The following ACAN variants were observed in gnomAD, a reference collection of about 807,000 sequenced individuals.
ACAN encodes the protein aggrecan.
In ACAN, 47 loss-of-function variants were observed where a neutral mutation model predicts 169.1. The observed-to-expected ratio is 0.28, with a 90% CI of 0.22 to 0.35. ACAN has a LOEUF of 0.35. ACAN is among the 10% of genes least tolerant of loss of function. ACAN has a pLI of 1.00. For synonymous variants in ACAN, 1,115 were observed against 1,112.2 expected (o/e 1.00, Z -0.05); for missense variants, 2,716 against 2,759.9 (o/e 0.98, Z 0.36).
intron 4 of ACAN, among the ~76,000 whole-genome samples, chr15:88,840,958 C>T (rs1026233625): frequency 6.6e-6 from 1 of 152,112 alleles, no homozygotes; most frequent in Non-Finnish European, 1.5e-5. Context: ...TCCTAGCTAA[C>T]ATGGTGAAAC....
Position 88,874,444 on chromosome 15 carries a change from G to GCTGA in ACAN, c.7670_7671insCTGA (p.His2558Ter). 1 of 1,607,068 alleles carries GCTGA rather than the reference G, an allele frequency of 6.2e-7. No homozygotes were observed. ...CGCAGACTACAGAAGCGGAGCTCAC[G>GCTGA]GCACCCTCGGAGGAGCCGCCCCAGC... On this transcript the variant is annotated stop_gained and frameshift_variant, in exon 19 of 19. Transcript: ENST00000560601. LOFTEE classifies it high-confidence loss of function. The surrounding 1 kb of genome is among the most constrained non-coding windows in gnomAD (Gnocchi z 7.3).
chr15:88,838,538 G>C lies in ACAN; in HGVS notation c.71-125G>C. 1 of 1,198,518 alleles carries C rather than the reference G, an allele frequency of 8.3e-7. No homozygotes were observed. The highest frequency in any genetic ancestry group is 1.2e-6 in the Non-Finnish European group (1 of 852,768). The allele number at this position is 1,198,518 out of a possible 1,614,324, so 74.2% of individuals were successfully genotyped here. A position where few individuals can be genotyped will look rare whatever the true frequency, so the allele number is the denominator to read the frequency against. On this transcript the variant is annotated intron_variant, in intron 2 of 18. Coordinates refer to ENST00000560601, the MANE Select transcript of ACAN (RefSeq NM_001369268.1). The surrounding 1 kb of genome is among the most constrained non-coding windows in gnomAD (Gnocchi z 5.1). ...GACACGGGAGCATCCCCATCATAGA[G>C]ACAGACACACTCATCGGATTTCGCT...
At position 88,871,527 on chromosome 15, in the gene ACAN, G is replaced by A. The variant is rs1399179832; in HGVS notation, c.7206G>A (p.Gln2402=). Residue 2402 remains glutamine (Q), a synonymous_variant, in exon 15 of 19, where the codon CAG becomes CAA. Transcript: ENST00000560601. This position sits in a 1 kb window ranked among gnomAD's most constrained non-coding sequence, Gnocchi z 7.8. ...GCAGCATCGTCACCCCCGAGGAGCA[G>A]GAGTTTGTCAACAGTGAGTGCGGCG... ...HLSSIVTPEE[Q]EFVNNNAQDY... The A allele has an allele frequency of 6.2e-7, 1 of 1,613,060 alleles. No individual in the cohort carries two copies. Among genetic ancestry groups the A allele is most frequent in the Non-Finnish European group, 8.5e-7 (1 of 1,179,570 alleles).
At chr15:88,864,752 G>C (rs1260489104) in intron 13 of ACAN, among the ~76,000 whole-genome samples, 8 of 152,232 alleles carry the variant, frequency 5.3e-5, no homozygotes, top group Admixed American at 4.6e-4. Context: ...AATTTTATCT[G>C]TATTTCTTAA....
At chr15:88,837,336 A>G (rs1440557351) in intron 2 of ACAN, among the ~76,000 whole-genome samples, 1 of 152,218 alleles carries the variant, frequency 6.6e-6, no homozygotes, top group Non-Finnish European at 1.5e-5. Flanking sequence ...AAGTAATCCA[A>G]GAATTCTGAA....
chr15:88,862,380 G>A (rs770086663), intron 13 of ACAN, among the ~76,000 whole-genome samples: 1 of 152,242 alleles, frequency 6.6e-6, no homozygotes, highest in East Asian at 1.9e-4. Flanking sequence ...AGCCAGGACT[G>A]AGAACCGCTG....
chr15:88,874,146 C>CA lies in ACAN; in HGVS notation c.7630+122_7630+123insA. The CA allele has an allele frequency of 7.4e-7, 1 of 1,358,610 alleles. No homozygotes were observed. The highest frequency in any genetic ancestry group is 1.0e-6 in the Non-Finnish European group (1 of 986,382). 84.2% of individuals were successfully genotyped at this position (1,358,610 alleles called of 1,614,324 possible). The stretch of plus-strand genomic sequence containing the variant: ...CAGGGTTGAGCAAGGGAAGGGAGGT[C>CA]GGGGGGCTGCTCAGTCACAAATAGC... On this transcript the variant is annotated intron_variant, in intron 18 of 18. Coordinates refer to ENST00000560601, the MANE Select transcript of ACAN (RefSeq NM_001369268.1). The surrounding 1 kb of genome is among the most constrained non-coding windows in gnomAD (Gnocchi z 7.3).
chr15:88,842,871 A>G (rs1165600130), intron 5 of ACAN, among the ~76,000 whole-genome samples: 2 of 152,164 alleles, frequency 1.3e-5, no homozygotes, highest in Non-Finnish European at 2.9e-5. Context: ...TGGTCCTCGA[A>G]TGATGCTCTT....
chr15:88,815,361 C>T (rs545078891), intron 1 of ACAN, among the ~76,000 whole-genome samples: 5 of 151,924 alleles, frequency 3.3e-5, no homozygotes, highest in Non-Finnish European at 7.4e-5. Context: ...GAGTTTGAGA[C>T]CAGCTTGGGC....
At chr15:88,818,254 A>G (rs2141509088) in intron 1 of ACAN, among the ~76,000 whole-genome samples, 1 of 152,238 alleles carries the variant, frequency 6.6e-6, no homozygotes, top group East Asian at 1.9e-4. Context: ...AAAGAGCCCT[A>G]GTTCTTTGCC....
At chr15:88,828,192 A>C (rs12905452) in intron 1 of ACAN, among the ~76,000 whole-genome samples, 114,871 of 151,898 alleles carry the variant, frequency 0.76, 44,274 homozygotes, top group African/African-American at 0.9. Context: ...GGTCAGACAT[A>C]GAGCTAAAGA....
rs572438161 is a variant in ACAN at position 88,845,641 on chromosome 15, C to T, written c.1188C>T (p.Ser396=). The change falls in exon 7 of 19, where the codon AGC becomes AGT. Residue 396 remains serine, a synonymous_variant. Transcript: ENST00000560601. The part of the protein sequence containing the change: ...RNITEGEARG[S]VILTVKPIFE... ...TCACTGAGGGTGAAGCCCGAGGCAG[C>T]GTGATCCTTACCGTAAAGCCCATCT... The T allele has an allele frequency of 3.4e-4, 556 of 1,614,062 alleles. 1 individual carries two copies. Among genetic ancestry groups the T allele is most frequent in the Non-Finnish European group, 9.6e-5 (113 of 1,179,910 alleles).
At chr15:88,826,756 TC>T (rs971606984) in intron 1 of ACAN, among the ~76,000 whole-genome samples, 1 of 152,206 alleles carries the variant, frequency 6.6e-6, no homozygotes, top group African/African-American at 2.4e-5. Flanking sequence ...GATCTGAAAT[TC>T]CATGAGAACA....
intron 1 of ACAN, among the ~76,000 whole-genome samples, chr15:88,832,159 C>T (rs1424319021): frequency 6.6e-6 from 1 of 151,888 alleles, no homozygotes; most frequent in African/African-American, 2.4e-5. Flanking sequence ...GGATTCATGC[C>T]AGGGAGGTCA....
At chr15:88,820,357 C>T (rs77891713) in intron 1 of ACAN, among the ~76,000 whole-genome samples, 3,873 of 152,188 alleles carry the variant, frequency 0.025, 79 homozygotes, top group Non-Finnish European at 0.041. Flanking sequence ...GAAGGGCCCA[C>T]CACCAAAGAT....
intron 13 of ACAN, among the ~76,000 whole-genome samples, chr15:88,865,164 C>A (rs903763589): frequency 6.6e-6 from 1 of 152,150 alleles, no homozygotes; most frequent in Non-Finnish European, 1.5e-5. Context: ...AACAAACCAG[C>A]CCTTTTGGTT....
rs1038689998 is a variant in ACAN, at chr15:88,849,568, G to C, written c.1863G>C (p.Lys621Asn). ...LYAAWSRGLD[K>N]CYAGWLADGS... ...CCGCCTGGAGCCGCGGCCTGGACAAGTGCTATGCCGGCTGGCTGGCCGACG... is the reference window on the plus strand; with the variant it reads ...CCGCCTGGAGCCGCGGCCTGGACAACTGCTATGCCGGCTGGCTGGCCGACG... The change falls in exon 10 of 19, where the codon AAG becomes AAC. Residue 621 changes from lysine to asparagine, a missense_variant. Around this residue, in one of 3 missense-constraint regions of ACAN, gnomAD observed 1,283 missense variants for 1,281.5 expected, o/e 1.00. Transcript: ENST00000560601. The surrounding 1 kb of genome is among the most constrained non-coding windows in gnomAD (Gnocchi z 5.1). 1.9e-6 allele frequency: 3 copies of C among 1,607,796 alleles called. No homozygotes were observed. Among genetic ancestry groups the C allele is most frequent in the East Asian group, 2.2e-5 (1 of 44,556 alleles).
rs780709119 is a variant in ACAN at position 88,840,056 on chromosome 15, G to A, written c.499G>A (p.Asp167Asn). 8.4e-5 allele frequency: 135 copies of A among 1,602,982 alleles called. No homozygotes were observed. Among genetic ancestry groups the A allele is most frequent in the Non-Finnish European group, 1.0e-4 (119 of 1,174,566 alleles). Residue 167 changes from aspartate (D) to asparagine (N), a missense_variant, in exon 4 of 19, where the codon GAC becomes AAC. By Grantham distance (23) the Asp-to-Asn change is conservative (BLOSUM62 1). Around this residue, in one of 3 missense-constraint regions of ACAN, gnomAD observed 1,283 missense variants for 1,281.5 expected, o/e 1.00. Transcript: ENST00000560601. ...AGCCATCTCTACACGCTACACCCTC[G>A]ACTTTGACAGGGCGCAGCGGGCCTG... ...YRAISTRYTLDFDRAQRACLQ... is the reference protein window; with the variant it reads ...YRAISTRYTLNFDRAQRACLQ...
chr15:88,814,936 A>G lies in ACAN; in HGVS notation c.-8+11127A>G, dbSNP rs1895902628. The stretch of plus-strand genomic sequence containing the variant: ...GGGGAATCCTAAATGTACCAGAAGA[A>G]CCTTTGGTGGTTCTCAGCCAGTTAA... On this transcript the variant is annotated intron_variant, in intron 1 of 18. Transcript: ENST00000560601. The surrounding 1 kb of genome is among the most constrained non-coding windows in gnomAD (Gnocchi z 4.0). 2.0e-5 allele frequency among the ~76,000 whole-genome samples: 3 copies of G among 151,502 alleles called. No individual in the cohort carries two copies.
Sources: allele counts gnomAD v4.1 joint callset (sites outside exome capture counted in the v4.1 genomes callset), GRCh38; gene constraint gnomAD v4.1.1; regional missense constraint gnomAD v4.1.1; non-coding constraint Gnocchi (gnomAD v3.1); transcripts MANE v1.5; gene names NCBI Gene and HGNC (gene_info 2026-07-23, HGNC 2026-07-21).